The following PIP4K2A variants were observed in gnomAD, a reference collection of about 807,000 sequenced individuals.
PIP4K2A encodes the protein phosphatidylinositol 5-phosphate 4-kinase type-2 alpha.
PIP4K2A carries 14 observed loss-of-function variants against 42.9 expected under a neutral mutation model. That is an observed-to-expected ratio of 0.33 (90% CI 0.22 to 0.51). The LOEUF is 0.51. PIP4K2A is among the 20% of genes least tolerant of loss of function. The pLI is 0.97. For missense variants in PIP4K2A, 434 were observed against 519.8 expected (o/e 0.83, Z 1.61); for synonymous variants, 192 against 192.2 (o/e 1.00, Z 0.01).
At chr10:22,603,647 G>T (rs1055760862) in intron 3 of PIP4K2A, among the ~76,000 whole-genome samples, 1 of 152,060 alleles carries the variant, frequency 6.6e-6, no homozygotes, top group South Asian at 2.1e-4. Context: ...TCCCTAAAAC[G>T]GCTAGCACAG....
At chr10:22,705,786 T>C (rs1588717931) in intron 1 of PIP4K2A, among the ~76,000 whole-genome samples, 1 of 152,018 alleles carries the variant, frequency 6.6e-6, no homozygotes, top group East Asian at 1.9e-4. Flanking sequence ...TGCTTGGTTT[T>C]GCCCGCTGTC....
intron 4 of PIP4K2A, among the ~76,000 whole-genome samples, chr10:22,590,993 G>A (rs891826443): frequency 6.6e-6 from 1 of 152,244 alleles, no homozygotes; most frequent in African/African-American, 2.4e-5. Context: ...CTCTCACAGC[G>A]CGGGCTGGGC....
intron 4 of PIP4K2A, among the ~76,000 whole-genome samples, chr10:22,585,493 A>G (rs550336519): frequency 6.6e-6 from 1 of 152,362 alleles, no homozygotes; most frequent in East Asian, 1.9e-4. Context: ...AGCTATTAAA[A>G]TACTCAATAA....
At position 22,644,659 on chromosome 10, in the gene PIP4K2A, G is replaced by A. The variant is rs138841412; in HGVS notation, c.145-34942C>T. Among the ~76,000 whole-genome samples the A allele has an allele frequency of 8.5e-5, 13 of 152,288 alleles. No homozygotes were observed. In the East Asian group the frequency reaches 2.5e-3, roughly 29 times the overall value. ...TAATCTCCTTCCCTAGCACTTGGTA[G>A]CACCTGACCTGACAACTTACTTTGT... On this transcript the variant is annotated intron_variant, in intron 1 of 9. Transcript: ENST00000376573.
intron 1 of PIP4K2A, among the ~76,000 whole-genome samples, chr10:22,658,506 A>G (rs1447641196): frequency 6.6e-6 from 1 of 152,258 alleles, no homozygotes; most frequent in Non-Finnish European, 1.5e-5. Context: ...AGCAGGAAGG[A>G]TAATAGGCTT....
intron 1 of PIP4K2A, among the ~76,000 whole-genome samples, chr10:22,666,592 C>G (rs1057010419): frequency 6.6e-6 from 1 of 151,536 alleles, no homozygotes; most frequent in African/African-American, 2.4e-5. Context: ...AACACAGCCC[C>G]TGTGTCAACA....
chr10:22,659,422 G>T (rs533004572), intron 1 of PIP4K2A, among the ~76,000 whole-genome samples: 7 of 152,156 alleles, frequency 4.6e-5, no homozygotes, highest in African/African-American at 1.7e-4. Flanking sequence ...GCAAAACCCC[G>T]TCTCTACTAA....
At chr10:22,704,873 A>G (rs1340187912) in intron 1 of PIP4K2A, among the ~76,000 whole-genome samples, 1 of 152,148 alleles carries the variant, frequency 6.6e-6, no homozygotes, top group Non-Finnish European at 1.5e-5. Context: ...GCTAGTGAGC[A>G]CTTGATATGA....
intron 9 of PIP4K2A, among the ~76,000 whole-genome samples, chr10:22,537,784 A>C (rs943981718): frequency 6.6e-6 from 1 of 152,164 alleles, no homozygotes; most frequent in Non-Finnish European, 1.5e-5. Context: ...GTGCTCAAAC[A>C]TGAGGGGCAA....
chr10:22,602,642 G>A (rs1017180315), intron 3 of PIP4K2A, among the ~76,000 whole-genome samples: 2 of 151,886 alleles, frequency 1.3e-5, no homozygotes, highest in Non-Finnish European at 2.9e-5. Flanking sequence ...TTCCGCTTGG[G>A]CCCAGAGAGT....
intron 6 of PIP4K2A, 74 bp from the exon 7 acceptor site, chr10:22,550,846 C>A: frequency 1.1e-6 from 1 of 887,092 alleles, no homozygotes. Flanking sequence ...CCTTCCAACC[C>A]TGGACACTGA....
intron 6 of PIP4K2A, among the ~76,000 whole-genome samples, chr10:22,554,406 T>A (rs1836483684): frequency 6.6e-6 from 1 of 152,232 alleles, no homozygotes; most frequent in Non-Finnish European, 1.5e-5. Flanking sequence ...AGCGACAGCT[T>A]AATGTAGCAA....
intron 1 of PIP4K2A, among the ~76,000 whole-genome samples, chr10:22,689,657 TCA>T (rs1258762877): frequency 6.6e-6 from 1 of 152,184 alleles, no homozygotes; most frequent in East Asian, 1.9e-4. Flanking sequence ...AACCAATCCC[TCA>T]CAGATACTGA....
chr10:22,628,693 T>A (rs893481972), intron 1 of PIP4K2A, among the ~76,000 whole-genome samples: 1 of 152,154 alleles, frequency 6.6e-6, no homozygotes, highest in Non-Finnish European at 1.5e-5. Context: ...ATAGGTAGAT[T>A]GAAAAATTTT....
chr10:22,648,667 T>TA lies in PIP4K2A; in HGVS notation c.145-38951dup, dbSNP rs1235693331. On this transcript the variant is annotated intron_variant, in intron 1 of 9. Coordinates refer to ENST00000376573, the MANE Select transcript of PIP4K2A (RefSeq NM_005028.5). Reference sequence around the variant, plus strand: ...AAACTGATTAACCACAATCAGACATTAAAAAAATTCCCTGGCTCTTGTGGT... The same window carrying TA: ...AAACTGATTAACCACAATCAGACATTAAAAAAAATTCCCTGGCTCTTGTGGT... 4.6e-5 allele frequency among the ~76,000 whole-genome samples: 7 copies of TA among 152,152 alleles called. No individual in the cohort carries two copies. In the East Asian group the frequency reaches 1.2e-3, roughly 25 times the overall value.
At position 22,541,958 on chromosome 10, in the gene PIP4K2A, C is replaced by T. The variant is rs1836129844; in HGVS notation, c.882G>A (p.Glu294=). The change falls in exon 8 of 10, where the codon GAG becomes GAA. Residue 294 remains glutamate, a synonymous_variant. Transcript: ENST00000376573. ...ERAEQEEVEC[E]ENDGEEEGES... is the part of the protein sequence containing the mutation. The stretch of plus-strand genomic sequence containing the variant: ...CGCCCTCCTCCTCCCCATCGTTCTC[C>T]TCACACTCCACTTCCTCCTGTTCGG... The T allele has an allele frequency of 6.2e-7, 1 of 1,613,900 alleles. No individual in the cohort carries two copies.
intron 1 of PIP4K2A, among the ~76,000 whole-genome samples, chr10:22,707,322 C>A (rs925868550): frequency 1.3e-5 from 2 of 152,172 alleles, no homozygotes; most frequent in African/African-American, 4.8e-5. Context: ...AACAAGGACT[C>A]CAGAGCTCTT....
intron 7 of PIP4K2A, among the ~76,000 whole-genome samples, chr10:22,544,343 G>A (rs541624736): frequency 6.6e-6 from 1 of 152,240 alleles, no homozygotes; most frequent in Non-Finnish European, 1.5e-5. Flanking sequence ...TGCTTATGGT[G>A]GGCCCACTTC....
intron 6 of PIP4K2A, among the ~76,000 whole-genome samples, chr10:22,561,196 C>A (rs539391248): frequency 6.6e-6 from 1 of 152,170 alleles, no homozygotes; most frequent in East Asian, 1.9e-4. Context: ...CAGAATTTGA[C>A]AATGGTTATT....
Sources: gnomAD v4.1 joint callset for allele counts (sites outside exome capture counted in the v4.1 genomes callset) on GRCh38, gnomAD v4.1.1 for gene constraint, MANE v1.5 for transcripts, NCBI Gene and HGNC (gene_info 2026-07-23, HGNC 2026-07-21) for gene names.